PARK7: variants seen among roughly 807,000 people sequenced by gnomAD.
The protein encoded by PARK7 is Parkinsonism associated deglycase.
In PARK7, 14 loss-of-function variants were observed where a neutral mutation model predicts 20.5. That is an observed-to-expected ratio of 0.68 (90% confidence interval 0.45 to 1.07). The LOEUF (loss-of-function observed/expected upper bound fraction) is 1.07. Ranked by LOEUF, PARK7 falls within the 50% of genes least tolerant of loss-of-function variation. The pLI is 0.00. For synonymous variants in PARK7, 98 were observed against 84.3 expected (o/e 1.16, Z -0.89); for missense variants, 234 against 238.1 (o/e 0.98, Z 0.11).
intron 2 of PARK7, among the ~76,000 whole-genome samples, 177 bp downstream of exon 2, chr1:7,963,052 G>A (rs554885056): frequency 6.6e-6 from 1 of 152,270 alleles, no homozygotes; most frequent in Admixed American, 6.5e-5. Context: ...GCTTGTTAAT[G>A]TCTTGCCATA....
chr1:7,984,380 A>G lies in PARK7; in HGVS notation c.410-514A>G, dbSNP rs191563437. On this transcript the variant is annotated intron_variant, in intron 6 of 6. Coordinates refer to ENST00000338639, the MANE Select transcript of PARK7 (RefSeq NM_007262.5). The surrounding 1 kb of genome is among the most constrained non-coding windows in gnomAD (Gnocchi z 4.3). ...TGGAGGTGCGGGGATGCGGAAGGAA[A>G]GTAGTCCTTGAGAGGGAATGTGGTT... Among the ~76,000 whole-genome samples the G allele has an allele frequency of 6.6e-6, 1 of 152,328 alleles. No individual in the cohort carries two copies. Among genetic ancestry groups the G allele is most frequent in the East Asian group, 1.9e-4 (1 of 5,180 alleles).
chr1:7,985,241 C>T lies in PARK7; in HGVS notation c.*187C>T, dbSNP rs1044766. On this transcript the variant is annotated 3_prime_UTR_variant, in exon 7 of 7. Transcript: ENST00000338639. The stretch of plus-strand genomic sequence containing the variant: ...GCCTACAAATTGTGTCTATACATTT[C>T]TAAGCCTTGTTTGCAGAATAAACAG... 1.3e-6 allele frequency: 1 copy of T among 756,506 alleles called. No homozygotes were observed. Among genetic ancestry groups the T allele is most frequent in the Non-Finnish European group, 2.2e-6 (1 of 463,938 alleles). The allele number at this position is 756,506 out of a possible 1,614,324, so 46.9% of individuals were successfully genotyped here.
intron 3 of PARK7, among the ~76,000 whole-genome samples, chr1:7,967,340 G>C (rs562316424): frequency 6.6e-6 from 1 of 152,044 alleles, no homozygotes. Flanking sequence ...GGTTGATTTC[G>C]TATGTTGGCT....
Position 7,974,486 on chromosome 1 carries a change from A to G in PARK7, c.323-3166A>G, listed in dbSNP as rs1459990984. Among the ~76,000 whole-genome samples, 6 of 150,840 alleles carry G rather than the reference A, an allele frequency of 4.0e-5. No individual in the cohort carries two copies. In the East Asian group the frequency reaches 9.8e-4, roughly 25 times the overall value. On this transcript the variant is annotated intron_variant, in intron 5 of 6. Coordinates refer to ENST00000338639, the MANE Select transcript of PARK7 (RefSeq NM_007262.5). Reference sequence around the variant, plus strand: ...CTCCTAAAAATACAAAAAATTAGCCAGGCGTGGTGGCGGGTGCCTGTAGTC... The same window carrying G: ...CTCCTAAAAATACAAAAAATTAGCCGGGCGTGGTGGCGGGTGCCTGTAGTC...
At chr1:7,981,657 TTTG>T (rs1640710926) in intron 6 of PARK7, among the ~76,000 whole-genome samples, 1 of 127,282 alleles carries the variant, frequency 7.9e-6, no homozygotes, top group South Asian at 2.4e-4. Context: ...TCCTGTGTCT[TTTG>T]TTTTTTTTTT....
rs145196092 is a variant in PARK7 at position 7,970,960 on chromosome 1, G to A, written c.319G>A (p.Ala107Thr). 4 of 1,614,078 alleles carry A rather than the reference G, an allele frequency of 2.5e-6. No homozygotes were observed. Among genetic ancestry groups the A allele is most frequent in the African/African-American group, 1.3e-5 (1 of 74,934 alleles). ...GAAGGGCCTGATAGCCGCCATCTGT[G>A]CAGGTGACGTGCAGGGGCAGCCTGT... ...NRKGLIAAIC[A>T]GPTALLAHEI... The change falls in exon 5 of 7, where the codon GCA (alanine) becomes ACA (threonine). Residue 107 changes from alanine (A) to threonine (T), a missense_variant. Coordinates refer to ENST00000338639, the MANE Select transcript of PARK7 (RefSeq NM_007262.5).
Position 7,985,178 on chromosome 1 carries a change from C to A in PARK7, c.*124C>A. On this transcript the variant is annotated 3_prime_UTR_variant, in exon 7 of 7. Transcript: ENST00000338639. ...GAAGTCGCTGTCCTTACTACTTTTGCGGAAGTATGGAAGTCACAACTACAC... is the reference window on the plus strand; with the variant it reads ...GAAGTCGCTGTCCTTACTACTTTTGAGGAAGTATGGAAGTCACAACTACAC... The A allele has an allele frequency of 1.5e-6, 2 of 1,327,846 alleles. No individual in the cohort carries two copies. Among genetic ancestry groups the A allele is most frequent in the Non-Finnish European group, 2.1e-6 (2 of 958,532 alleles). The allele number at this position is 1,327,846 out of a possible 1,614,324, so 82.3% of individuals were successfully genotyped here.
In PARK7 at chr1:7,984,976, T is replaced by G. The variant is rs780991489; in HGVS notation, c.492T>G (p.Phe164Leu). ...GGGGGCCTGGGACCAGCTTCGAGTTTGCGCTTGCAATTGTTGAAGCCCTGA... is the reference window on the plus strand; with the variant it reads ...GGGGGCCTGGGACCAGCTTCGAGTTGGCGCTTGCAATTGTTGAAGCCCTGA... ...TSRGPGTSFE[F>L]ALAIVEALNG... The change falls in exon 7 of 7, where the codon TTT becomes TTG. Residue 164 changes from phenylalanine to leucine, a missense_variant. Coordinates refer to ENST00000338639, the MANE Select transcript of PARK7 (RefSeq NM_007262.5). This position sits in a 1 kb window ranked among gnomAD's most constrained non-coding sequence, Gnocchi z 4.3. 3.1e-6 allele frequency: 5 copies of G among 1,614,126 alleles called. No individual in the cohort carries two copies. In the African/African-American group the frequency reaches 6.7e-5, roughly 22 times the overall value.
intron 3 of PARK7, among the ~76,000 whole-genome samples, chr1:7,965,654 G>GCCAA (rs2151428860): frequency 6.6e-6 from 1 of 152,312 alleles, no homozygotes; most frequent in South Asian, 2.1e-4. Context: ...TGGGTAGGTG[G>GCCAA]CCGGTTGGAT....
At chr1:7,970,227 G>A (rs1473808579) in intron 4 of PARK7, among the ~76,000 whole-genome samples, 1 of 152,130 alleles carries the variant, frequency 6.6e-6, no homozygotes, top group East Asian at 1.9e-4. Context: ...ATGGAAGTAA[G>A]CTGAATTGGT....
chr1:7,967,739 G>A (rs533678722), intron 3 of PARK7, among the ~76,000 whole-genome samples: 51 of 152,018 alleles, frequency 3.4e-4, no homozygotes, highest in African/African-American at 1.2e-3. Flanking sequence ...GGGCAATGAA[G>A]CGAGACCCTG....
chr1:7,963,758 C>T (rs1640263280), intron 2 of PARK7, among the ~76,000 whole-genome samples: 1 of 151,746 alleles, frequency 6.6e-6, no homozygotes, highest in Admixed American at 6.6e-5. Context: ...TCCTATGCCC[C>T]TTCTTCCTTC....
chr1:7,974,167 A>T (rs139148300), intron 5 of PARK7, among the ~76,000 whole-genome samples: 1,801 of 144,284 alleles, frequency 0.012, 44 homozygotes, highest in African/African-American at 0.042. Context: ...AAAATATTTT[A>T]AAAAATCAGC....
chr1:7,972,409 A>C (rs1486036282), intron 5 of PARK7, among the ~76,000 whole-genome samples: 1 of 151,924 alleles, frequency 6.6e-6, no homozygotes, highest in Non-Finnish European at 1.5e-5. Flanking sequence ...TAGAGGCTGC[A>C]GTGAGCTATG....
At chr1:7,981,960 CCCG>C (rs1157261938) in intron 6 of PARK7, among the ~76,000 whole-genome samples, 1 of 148,056 alleles carries the variant, frequency 6.8e-6, no homozygotes, top group Non-Finnish European at 1.5e-5. Flanking sequence ...GCCCAGCCCC[CCCG>C]CCTTTTTTTT....
rs139882570 is a variant in PARK7, at chr1:7,970,168, C to G, written c.253-726C>G. Among the ~76,000 whole-genome samples the G allele has an allele frequency of 4.4e-3, 666 of 152,070 alleles. 2 individuals are homozygous for G. The highest frequency in any genetic ancestry group is 0.015 in the African/African-American group (636 of 41,484). On this transcript the variant is annotated intron_variant, in intron 4 of 6. Coordinates refer to ENST00000338639, the MANE Select transcript of PARK7 (RefSeq NM_007262.5). The stretch of plus-strand genomic sequence containing the variant: ...TGTGAATGCACCACTGCATTCTAGC[C>G]TGGGCAACAAAGCAAGAACCTGTCT...
intron 4 of PARK7, among the ~76,000 whole-genome samples, chr1:7,970,401 T>G (rs1222201372): frequency 2.0e-5 from 3 of 152,310 alleles, no homozygotes; most frequent in Admixed American, 2.0e-4. Flanking sequence ...CCAGCAGGAA[T>G]GGCAAATGCC....
intron 3 of PARK7, among the ~76,000 whole-genome samples, chr1:7,966,126 C>T (rs564195311): frequency 3.9e-5 from 6 of 152,144 alleles, no homozygotes; most frequent in African/African-American, 1.2e-4. Flanking sequence ...GGCGCTTTTG[C>T]ACACTCCGTC....
rs552752229 is a variant in PARK7, at chr1:7,982,808, A to G, written c.410-2086A>G. Reference sequence around the variant, plus strand: ...CAAACTAGGGATCCTCTTTTTCTCTACAATAGTTAAATTGGAAATTGTTTA... The same window carrying G: ...CAAACTAGGGATCCTCTTTTTCTCTGCAATAGTTAAATTGGAAATTGTTTA... On this transcript the variant is annotated intron_variant, in intron 6 of 6. Transcript: ENST00000338639. 2.6e-5 allele frequency: 4 copies of G among 152,302 alleles called. No homozygotes were observed. In the East Asian group the frequency reaches 7.7e-4, roughly 29 times the overall value. 9.4% of individuals were successfully genotyped at this position (152,302 alleles called of 1,614,324 possible).
Sources: gnomAD v4.1 joint callset for allele counts (sites outside exome capture counted in the v4.1 genomes callset) on GRCh38, gnomAD v4.1.1 for gene constraint, Gnocchi (gnomAD v3.1) non-coding constraint, MANE v1.5 for transcripts, NCBI Gene and HGNC (gene_info 2026-07-23, HGNC 2026-07-21) for gene names.